The following CELF2 variants were observed in gnomAD, a reference collection of about 807,000 sequenced individuals.
The protein encoded by CELF2 is CUG triplet repeat RNA-binding protein 2.
In CELF2, 8 loss-of-function variants were observed where a neutral mutation model predicts 62.6. The ratio of observed to expected loss-of-function variants is 0.13; its 90% CI spans 0.07 to 0.23. CELF2 has a LOEUF of 0.23. Ranked by LOEUF, CELF2 falls within the 10% of genes least tolerant of loss-of-function variation. The pLI is 1.00. For missense variants in CELF2, 333 were observed against 671.0 expected (o/e 0.50, Z 5.56); for synonymous variants, 258 against 250.0 (o/e 1.03, Z -0.30).
rs139167503 is a variant in CELF2 at position 10,801,594 on chromosome 10, G to A, written c.53+2777G>A. Reference sequence around the variant, plus strand: ...ATGCTTTAGAAATCCAGAGAATGGCGTGAGAGGCCCCATTCTGGTAAAGAG... The same window carrying A: ...ATGCTTTAGAAATCCAGAGAATGGCATGAGAGGCCCCATTCTGGTAAAGAG... On this transcript the variant is annotated intron_variant, in intron 1 of 13. Coordinates refer to the CELF2 transcript ENST00000636488. Among the ~76,000 whole-genome samples the A allele has an allele frequency of 2.6e-4, 40 of 152,246 alleles. No homozygotes were observed. In the East Asian group the frequency reaches 6.6e-3, roughly 25 times the overall value.
At chr10:11,199,097 T>C (rs1360642675) in intron 2 of CELF2, among the ~76,000 whole-genome samples, 1 of 152,088 alleles carries the variant, frequency 6.6e-6, no homozygotes, top group African/African-American at 2.4e-5. Flanking sequence ...TGGCATACAA[T>C]TGTATGACTG....
At chr10:10,473,345 G>A in the CELF2 span, among the ~76,000 whole-genome samples, 1 of 151,956 alleles carries the variant, frequency 6.6e-6, no homozygotes, top group Non-Finnish European at 1.5e-5. Flanking sequence ...GAAAAGGTAA[G>A]AGTTTCTTTA....
intron 2 of CELF2, among the ~76,000 whole-genome samples, chr10:10,925,832 C>G (rs938476246): frequency 2.0e-5 from 3 of 152,048 alleles, no homozygotes; most frequent in Non-Finnish European, 2.9e-5. Context: ...GTTTCCATAC[C>G]TTTCACAACC....
the CELF2 span, among the ~76,000 whole-genome samples, chr10:10,579,817 T>C: frequency 6.7e-4 from 102 of 152,122 alleles, 1 homozygote; most frequent in African/African-American, 2.4e-3. Flanking sequence ...AAAATTGTTT[T>C]TCAGTAGGAG....
intron 1 of CELF2, among the ~76,000 whole-genome samples, chr10:10,848,834 T>G (rs567930709): frequency 6.6e-6 from 1 of 152,156 alleles, no homozygotes; most frequent in South Asian, 2.1e-4. Context: ...AAGGGGAGTC[T>G]GCTAGTGGAT....
chr10:11,119,729 A>G (rs117977786), intron 1 of CELF2, among the ~76,000 whole-genome samples: 8,459 of 152,196 alleles, frequency 0.056, 277 homozygotes, highest in Non-Finnish European at 0.061. Context: ...TCGTAAATGT[A>G]CACATGAAAA....
chr10:11,263,877 A>G (rs114439581), intron 5 of CELF2, among the ~76,000 whole-genome samples: 4 of 152,374 alleles, frequency 2.6e-5, no homozygotes, highest in African/African-American at 9.6e-5. Context: ...CCATTGCAAG[A>G]AACAGTTGAC....
chr10:10,924,451 T>C (rs2065253642), intron 2 of CELF2, among the ~76,000 whole-genome samples: 1 of 152,028 alleles, frequency 6.6e-6, no homozygotes, highest in Admixed American at 6.6e-5. Flanking sequence ...GTTTAGAAAA[T>C]GAAGGGATAT....
rs2093290503 is a variant in CELF2 at position 11,297,269 on chromosome 10, G to C, written c.976+8717G>C. The stretch of plus-strand genomic sequence containing the variant: ...ATTCCGTGAAATGTGTCCAGCAGCA[G>C]TTGGATGTGTGACCATCAGGCTGAC... On this transcript the variant is annotated intron_variant, in intron 9 of 12. Transcript: ENST00000633077. The surrounding 1 kb of genome is among the most constrained non-coding windows in gnomAD (Gnocchi z 4.4). Among the ~76,000 whole-genome samples the C allele has an allele frequency of 6.6e-6, 1 of 152,204 alleles. No individual in the cohort carries two copies. Among genetic ancestry groups the C allele is most frequent in the Non-Finnish European group, 1.5e-5 (1 of 68,030 alleles).
chr10:10,620,627 G>C, the CELF2 span, among the ~76,000 whole-genome samples: 1 of 152,120 alleles, frequency 6.6e-6, no homozygotes, highest in Non-Finnish European at 1.5e-5. Flanking sequence ...TAGAGGCAGG[G>C]CGTGGTGGCT....
Position 10,972,716 on chromosome 10 carries a change from A to T in CELF2, c.89+52717A>T, listed in dbSNP as rs1220394684. On this transcript the variant is annotated intron_variant, in intron 2 of 13. Coordinates refer to the CELF2 transcript ENST00000636488. The surrounding 1 kb of genome is among the most constrained non-coding windows in gnomAD (Gnocchi z 4.4). Reference sequence around the variant, plus strand: ...CCTGGCTGCTCCTGGGGCACTTCAAACTCAACGAGCCTCCAACTCACAAGG... The same window carrying T: ...CCTGGCTGCTCCTGGGGCACTTCAATCTCAACGAGCCTCCAACTCACAAGG... 2.0e-5 allele frequency among the ~76,000 whole-genome samples: 3 copies of T among 151,976 alleles called. No homozygotes were observed. Among genetic ancestry groups the T allele is most frequent in the Non-Finnish European group, 4.4e-5 (3 of 67,984 alleles).
At chr10:10,908,258 C>T (rs1481017664) in intron 1 of CELF2, among the ~76,000 whole-genome samples, 2 of 106,468 alleles carry the variant, frequency 1.9e-5, no homozygotes, top group African/African-American at 3.7e-5. Flanking sequence ...CTTGCTCTGT[C>T]GCCGAGGCTG....
Position 11,211,357 on chromosome 10 carries a change from A to C in CELF2, c.272-6068A>C, listed in dbSNP as rs2061724634. 6.6e-6 allele frequency among the ~76,000 whole-genome samples: 1 copy of C among 152,226 alleles called. No individual in the cohort carries two copies. Among genetic ancestry groups the C allele is most frequent in the South Asian group, 2.1e-4 (1 of 4,822 alleles). ...CCGCCTTTTTAAAACAGTGTCTCAG[A>C]GCATCAAACCTTGGTTTAGAAACCT... On this transcript the variant is annotated intron_variant, in intron 2 of 12. Coordinates refer to ENST00000633077, the MANE Select transcript of CELF2 (RefSeq NM_001326342.2). The surrounding 1 kb of genome is among the most constrained non-coding windows in gnomAD (Gnocchi z 4.8).
chr10:11,306,678 GAGTCTTT>G lies in CELF2; in HGVS notation c.977-7460_977-7454del. On this transcript the variant is annotated intron_variant, in intron 9 of 12. Transcript: ENST00000633077. This position sits in a 1 kb window ranked among gnomAD's most constrained non-coding sequence, Gnocchi z 4.4. ...TGTCTGATGATGTAGAGTGCACAGG[GAGTCTTT>G]CCACTTTAAGGCAAGTCATCTAGTT... is the stretch of plus-strand genomic sequence containing the variant. Among the ~76,000 whole-genome samples the G allele has an allele frequency of 6.6e-6, 1 of 152,258 alleles. No homozygotes were observed. The highest frequency in any genetic ancestry group is 3.4e-3 in the Middle Eastern group (1 of 294).
intron 3 of CELF2, among the ~76,000 whole-genome samples, chr10:11,236,890 C>A (rs2071566112): frequency 6.6e-6 from 1 of 152,096 alleles, no homozygotes; most frequent in Non-Finnish European, 1.5e-5. Flanking sequence ...CCTGATTCCA[C>A]TAGAAGAGAG....
chr10:10,642,804 G>A, the CELF2 span, among the ~76,000 whole-genome samples: 3 of 152,242 alleles, frequency 2.0e-5, no homozygotes, highest in Non-Finnish European at 4.4e-5. Flanking sequence ...ACAGCAGTGG[G>A]TGCAGGTGGA....
At chr10:10,512,423 T>G in the CELF2 span, among the ~76,000 whole-genome samples, 1 of 149,842 alleles carries the variant, frequency 6.7e-6, no homozygotes, top group African/African-American at 2.5e-5. Flanking sequence ...TTTTTTTTTT[T>G]TGAGACAGAG....
chr10:10,487,443 T>A, the CELF2 span, among the ~76,000 whole-genome samples: 1 of 152,208 alleles, frequency 6.6e-6, no homozygotes, highest in Non-Finnish European at 1.5e-5. Flanking sequence ...TAAAGCTTTG[T>A]ACATTAAATC....
chr10:10,916,867 C>A (rs893096521), intron 1 of CELF2, among the ~76,000 whole-genome samples: 1 of 152,012 alleles, frequency 6.6e-6, no homozygotes, highest in Admixed American at 6.5e-5. Flanking sequence ...CCTGCCTCTG[C>A]CTCCCAAAGT....
Sources: gnomAD v4.1 joint callset for allele counts (sites outside exome capture counted in the v4.1 genomes callset) on GRCh38, gnomAD v4.1.1 for gene constraint, Gnocchi (gnomAD v3.1) non-coding constraint, MANE v1.5 for transcripts, NCBI Gene and HGNC (gene_info 2026-07-23, HGNC 2026-07-21) for gene names.